Variants in AFAP1L2 observed in about 807,000 individuals in gnomAD.
AFAP1L2 encodes actin filament associated protein 1 like 2, also known as actin filament-associated protein 1-like 2.
AFAP1L2 carries 46 observed loss-of-function variants against 99.3 expected under a neutral mutation model. The ratio of observed to expected loss-of-function variants is 0.46; its 90% CI spans 0.37 to 0.59. The LOEUF is 0.59. Among genes scored for constraint, AFAP1L2 ranks in the 20% least tolerant of loss-of-function variants. AFAP1L2 has a pLI of 0.00. For synonymous variants in AFAP1L2, 397 were observed against 419.1 expected, an observed-to-expected ratio of 0.95 and a Z score of 0.64; for missense variants, 959 against 1,034.9, an observed-to-expected ratio of 0.93 and a Z score of 1.01.
chr10:114,395,457 T>C (rs1443734476), intron 1 of AFAP1L2, among the ~76,000 whole-genome samples: 1 of 152,204 alleles, frequency 6.6e-6, no homozygotes, highest in African/African-American at 2.4e-5. Flanking sequence ...TGAATTTTAG[T>C]AAATCAGTTC....
chr10:114,354,076 C>T (rs2050947568), intron 1 of AFAP1L2, among the ~76,000 whole-genome samples: 3 of 152,140 alleles, frequency 2.0e-5, no homozygotes, highest in African/African-American at 7.2e-5. Context: ...AGAATGCCAT[C>T]CCGGAACCTT....
chr10:114,340,874 T>A (rs1359701447), intron 1 of AFAP1L2, 143 bp from the exon 2 acceptor site: 1 of 1,134,522 alleles, frequency 8.8e-7, no homozygotes, highest in Admixed American at 1.8e-5. Flanking sequence ...TGGCAGCGTA[T>A]GGGGGGACTG....
chr10:114,338,176 G>C (rs1026902048), intron 2 of AFAP1L2, among the ~76,000 whole-genome samples: 3 of 152,222 alleles, frequency 2.0e-5, no homozygotes, highest in Non-Finnish European at 4.4e-5. Context: ...GAACAGGGAA[G>C]GGGAAAGTCC....
chr10:114,290,764 G>A (rs1014225308), downstream of AFAP1L2, among the ~76,000 whole-genome samples: 10 of 152,192 alleles, frequency 6.6e-5, no homozygotes, highest in Non-Finnish European at 1.2e-4. Context: ...GGGTAAATGC[G>A]GTGGTGGGAG....
chr10:114,292,956 CT>C (rs2133776596), downstream of AFAP1L2, among the ~76,000 whole-genome samples: 1 of 152,328 alleles, frequency 6.6e-6, no homozygotes, highest in Admixed American at 6.5e-5. Context: ...ATCCCCCTGC[CT>C]TGGCCTCCCA....
chr10:114,316,580 C>G (rs907896904), intron 5 of AFAP1L2, among the ~76,000 whole-genome samples: 5 of 152,164 alleles, frequency 3.3e-5, no homozygotes, highest in Admixed American at 2.0e-4. Flanking sequence ...CATCAGAGCA[C>G]AAATCATGCA....
chr10:114,397,622 G>A (rs563379694), intron 1 of AFAP1L2, among the ~76,000 whole-genome samples: 12 of 152,284 alleles, frequency 7.9e-5, no homozygotes, highest in African/African-American at 2.9e-4. Context: ...CAGACTTTCA[G>A]TGGTAAAACC....
chr10:114,333,867 C>G (rs1261279961), intron 2 of AFAP1L2, among the ~76,000 whole-genome samples: 3 of 152,148 alleles, frequency 2.0e-5, no homozygotes, highest in Non-Finnish European at 4.4e-5. Flanking sequence ...GCCTTGTATT[C>G]CACCAAGTAG....
At chr10:114,347,673 G>A (rs1375577352) in intron 1 of AFAP1L2, among the ~76,000 whole-genome samples, 2 of 152,014 alleles carry the variant, frequency 1.3e-5, no homozygotes, top group African/African-American at 4.8e-5. Flanking sequence ...ACCACGCCCT[G>A]CTAATTTTTA....
chr10:114,376,312 G>A (rs2054792684), intron 1 of AFAP1L2, among the ~76,000 whole-genome samples: 1 of 152,164 alleles, frequency 6.6e-6, no homozygotes, highest in Non-Finnish European at 1.5e-5. Flanking sequence ...AGTGGAATAG[G>A]GGTGACAAAT....
rs183732005 is a variant in AFAP1L2 at position 114,377,962 on chromosome 10, G to C, written c.16+26478C>G. Among the ~76,000 whole-genome samples the C allele has an allele frequency of 6.6e-6, 1 of 152,076 alleles. No individual in the cohort carries two copies. The highest frequency in any genetic ancestry group is 2.1e-4 in the South Asian group (1 of 4,826). On this transcript the variant is annotated intron_variant, in intron 1 of 18. Transcript: ENST00000304129. This position sits in a 1 kb window ranked among gnomAD's most constrained non-coding sequence, Gnocchi z 4.0. The stretch of plus-strand genomic sequence containing the variant: ...ATGGTTTTTTTGTGGGTCTTCACTG[G>C]TGCCACCCCTACGATAGGCTGTGTC...
At chr10:114,291,452 T>C (rs1335847385), downstream of AFAP1L2, 1 of 562,422 alleles carries the variant, frequency 1.8e-6, no homozygotes, top group Non-Finnish European at 3.0e-6. Context: ...AAGCAGCTGA[T>C]GTCACCCACA....
rs1173928339 is a variant in AFAP1L2, at chr10:114,296,806, G to T, written c.2430+172C>A. The stretch of plus-strand genomic sequence containing the variant: ...GCAGACACCTTTCTGGTTGGTCAGT[G>T]CCAGAGACTGAGCTGAAGGCATGGC... On this transcript the variant is annotated intron_variant, in intron 18 of 18. Coordinates refer to ENST00000304129, the MANE Select transcript of AFAP1L2 (RefSeq NM_001001936.3). The T allele has an allele frequency of 1.9e-5, 21 of 1,104,972 alleles. No homozygotes were observed. In the East Asian group the frequency reaches 4.9e-4, roughly 26 times the overall value. The allele number at this position is 1,104,972 out of a possible 1,614,324, so 68.4% of individuals were successfully genotyped here.
chr10:114,390,088 T>C (rs2056957013), intron 1 of AFAP1L2, among the ~76,000 whole-genome samples: 1 of 152,232 alleles, frequency 6.6e-6, no homozygotes, highest in African/African-American at 2.4e-5. Flanking sequence ...TGTATGTGTT[T>C]TGCTCAATGT....
chr10:114,302,136 G>T, intron 12 of AFAP1L2: 1 of 735,146 alleles, frequency 1.4e-6, no homozygotes, highest in Non-Finnish European at 2.2e-6. Context: ...CCCGAAGCCT[G>T]GCTCGGCTCC....
chr10:114,283,281 A>C, the AFAP1L2 span, among the ~76,000 whole-genome samples: 6 of 151,086 alleles, frequency 4.0e-5, no homozygotes, highest in African/African-American at 1.5e-4. Flanking sequence ...AGTTAGACAC[A>C]CAGGCAGGCA....
At chr10:114,397,970 A>G (rs2138313990) in intron 1 of AFAP1L2, among the ~76,000 whole-genome samples, 1 of 151,368 alleles carries the variant, frequency 6.6e-6, no homozygotes, top group South Asian at 2.1e-4. Flanking sequence ...GCCTCTCCCC[A>G]CTCCTCCCTA....
At chr10:114,327,155 A>T (rs1203885568) in intron 4 of AFAP1L2, among the ~76,000 whole-genome samples, 1 of 79,390 alleles carries the variant, frequency 1.3e-5, no homozygotes, top group Non-Finnish European at 3.1e-5. Context: ...ATTTATATAT[A>T]TATATATATA....
chr10:114,289,145 C>T, the AFAP1L2 span: 33 of 1,613,716 alleles, frequency 2.0e-5, no homozygotes, highest in South Asian at 5.5e-5. Context: ...ACCCGGGCTG[C>T]GATGCTGCGG....
Sources: allele counts gnomAD v4.1 joint callset (sites outside exome capture counted in the v4.1 genomes callset), GRCh38; gene constraint gnomAD v4.1.1; non-coding constraint Gnocchi (gnomAD v3.1); transcripts MANE v1.5; gene names NCBI Gene and HGNC (gene_info 2026-07-23, HGNC 2026-07-21).